SMG5: variants seen among roughly 807,000 people sequenced by gnomAD.
The protein encoded by SMG5 is nonsense-mediated mRNA decay factor SMG5.
SMG5 carries 53 observed loss-of-function variants against 122.9 expected under a neutral mutation model. The ratio of observed to expected loss-of-function variants is 0.43; its 90% CI spans 0.35 to 0.54. The LOEUF (loss-of-function observed/expected upper bound fraction) is 0.54. Among genes scored for constraint, SMG5 ranks in the 20% least tolerant of loss-of-function variants. The probability of loss-of-function intolerance (pLI) is 0.01; values close to 1 mark genes in which losing one functional copy is unlikely to be tolerated. For missense variants in SMG5, 1,153 were observed against 1,285.6 expected (o/e 0.90, Z 1.58); for synonymous variants, 477 against 490.2 (o/e 0.97, Z 0.35).
rs1661394648 is a variant in SMG5, at chr1:156,252,472, G to C, written c.2695C>G (p.His899Asp). The C allele has an allele frequency of 6.2e-7, 1 of 1,614,078 alleles. No homozygotes were observed. The highest frequency in any genetic ancestry group is 8.5e-7 in the Non-Finnish European group (1 of 1,180,024). ...CGAATCCCATCCCGGGCCCCTGGGT[G>C]TTCCTTCTTCAGCAAATCCAGGCCA... The part of the protein sequence containing the change: ...IDGLDLLKKE[H>D]PGARDGIRYL... The change falls in exon 19 of 22, where the codon CAC (histidine) becomes GAC (aspartate). Residue 899 changes from histidine (H) to aspartate (D), a missense_variant. Coordinates refer to ENST00000361813, the MANE Select transcript of SMG5 (RefSeq NM_015327.3).
intron 1 of SMG5, among the ~76,000 whole-genome samples, chr1:156,280,249 A>G (rs1345718878): frequency 6.6e-6 from 1 of 152,224 alleles, no homozygotes; most frequent in Non-Finnish European, 1.5e-5. Context: ...CTATAAGAAC[A>G]TGTGAATCAG....
At position 156,278,380 on chromosome 1, in the gene SMG5, T is replaced by G. The variant is rs796934855; in HGVS notation, c.174-332A>C. On this transcript the variant is annotated intron_variant, in intron 2 of 21. Transcript: ENST00000361813. ...CTTGACTCAAATATATTTTTGGGTTTTTTTTTTTTTTTGAGACAGGGTCTC... is the reference window on the plus strand; with the variant it reads ...CTTGACTCAAATATATTTTTGGGTTGTTTTTTTTTTTTGAGACAGGGTCTC... Among the ~76,000 whole-genome samples the G allele has an allele frequency of 5.3e-5, 8 of 151,584 alleles. No homozygotes were observed. The East Asian group carries it at 5.8e-4, about 11-fold the overall frequency.
rs1388963306 is a variant in SMG5 at position 156,268,369 on chromosome 1, G to A, written c.760C>T (p.Arg254Trp). The change falls in exon 8 of 22, where the codon CGG (arginine) becomes TGG (tryptophan). Residue 254 changes from arginine (R) to tryptophan (W), a missense_variant. By Grantham distance (101) the Arg-to-Trp change is moderately radical. This residue lies in a region of SMG5 where 85 missense variants were observed against 127.3 expected (regional missense o/e 0.67). Coordinates refer to ENST00000361813, the MANE Select transcript of SMG5 (RefSeq NM_015327.3). ...SFEGAYGNLKRLYDKAAKMYH... is the reference protein window; with the variant it reads ...SFEGAYGNLKWLYDKAAKMYH... ...ATTTTGGCTGCCTTGTCATACAGCC[G>A]CTTGAGGTTCCCATAGGCTCCCTCA... 3.7e-6 allele frequency: 6 copies of A among 1,614,108 alleles called. No individual in the cohort carries two copies. Among genetic ancestry groups the A allele is most frequent in the Non-Finnish European group, 5.1e-6 (6 of 1,180,032 alleles).
At chr1:156,272,874 CTT>C (rs1662497950) in intron 6 of SMG5, among the ~76,000 whole-genome samples, 2 of 152,128 alleles carry the variant, frequency 1.3e-5, no homozygotes, top group Non-Finnish European at 1.5e-5. Context: ...CTACTGACCT[CTT>C]CTTATATCCA....
At chr1:156,265,730 CTA>C (rs1558238337) in intron 12 of SMG5, 49 bp downstream of exon 12, 9 of 1,578,050 alleles carry the variant, frequency 5.7e-6, no homozygotes, top group Non-Finnish European at 6.9e-6. Context: ...TGGTGAGTGT[CTA>C]TGGCATGGAG....
upstream of SMG5, chr1:156,286,313 G>A: frequency 6.2e-7 from 1 of 1,614,220 alleles, no homozygotes; most frequent in Non-Finnish European, 8.5e-7. Flanking sequence ...TCGGCCCTTT[G>A]GGGAGCCACG....
chr1:156,253,170 C>A lies in SMG5; in HGVS notation c.2503-92G>T, dbSNP rs553610092. 3 of 1,387,028 alleles carry A rather than the reference C, an allele frequency of 2.2e-6. No homozygotes were observed. In the Admixed American group the frequency reaches 7.8e-5, roughly 36 times the overall value. The allele number at this position is 1,387,028 out of a possible 1,614,324, so 85.9% of individuals were successfully genotyped here. A position where few individuals can be genotyped will look rare whatever the true frequency, so the allele number is the denominator to read the frequency against. ...GTGCTCAAGGTGGCTCTATGGGGCTCCTCCTGTTGTTAAGGGGATCAGAGG... is the reference window on the plus strand; with the variant it reads ...GTGCTCAAGGTGGCTCTATGGGGCTACTCCTGTTGTTAAGGGGATCAGAGG... On this transcript the variant is annotated intron_variant, in intron 17 of 21. Transcript: ENST00000361813.
In SMG5 at chr1:156,253,738, G is replaced by C; in HGVS notation, c.2443-230C>G. On this transcript the variant is annotated intron_variant, in intron 16 of 21. Transcript: ENST00000361813. ...TGCAGGTCATGATGTTCCAGGCCCTGCAGGGGAGGGGAAGCAGACAGCCAT... is the reference window on the plus strand; with the variant it reads ...TGCAGGTCATGATGTTCCAGGCCCTCCAGGGGAGGGGAAGCAGACAGCCAT... 4 of 564,934 alleles carry C rather than the reference G, an allele frequency of 7.1e-6. No homozygotes were observed. The South Asian group carries it at 7.8e-5, about 11-fold the overall frequency. The allele number at this position is 564,934 out of a possible 1,614,324, so 35.0% of individuals were successfully genotyped here.
intron 7 of SMG5, among the ~76,000 whole-genome samples, chr1:156,271,344 A>G (rs903975189): frequency 1.3e-5 from 2 of 152,154 alleles, no homozygotes; most frequent in East Asian, 3.9e-4. Flanking sequence ...GCCCAAGCTC[A>G]TTATATAACT....
chr1:156,251,590 C>A, intron 19 of SMG5, 113 bp from the exon 20 acceptor site: 1 of 997,196 alleles, frequency 1.0e-6, no homozygotes, highest in Non-Finnish European at 1.6e-6. Context: ...GGCTGGGGAA[C>A]ATGTCTCTCC....
In SMG5 at chr1:156,274,684, A is replaced by G. The variant is rs768422925; in HGVS notation, c.457T>C (p.Cys153Arg). The G allele has an allele frequency of 8.2e-5, 132 of 1,613,396 alleles. 1 individual carries two copies. The highest frequency in any genetic ancestry group is 1.6e-4 in the Middle Eastern group (1 of 6,078). Reference sequence around the variant, plus strand: ...CCTGAGGCAGACACTGGCTTCTTGCATCCTATGAGACAAAGAGAAAGAGAT... The same window carrying G: ...CCTGAGGCAGACACTGGCTTCTTGCGTCCTATGAGACAAAGAGAAAGAGAT... ...WTHVTDPLIGCKKPVSASGKE... is the reference protein window; with the variant it reads ...WTHVTDPLIGRKKPVSASGKE... The change falls in exon 5 of 22, where the codon TGC (cysteine) becomes CGC (arginine). Residue 153 changes from cysteine to arginine, a missense_variant and splice_region_variant. By Grantham distance (180) the Cys-to-Arg change is radical. Around this residue, in one of 5 missense-constraint regions of SMG5, gnomAD observed 213 missense variants for 197.5 expected, o/e 1.08. Transcript: ENST00000361813.
rs989591809 is a variant in SMG5 at position 156,250,863 on chromosome 1, T to C, written c.2962A>G (p.Met988Val). Residue 988 changes from methionine to valine, a missense_variant, in exon 21 of 22, where the codon ATG (methionine) becomes GTG (valine). This residue lies in a region of SMG5 where 84 missense variants were observed against 82.3 expected (regional missense o/e 1.02). Coordinates refer to ENST00000361813, the MANE Select transcript of SMG5 (RefSeq NM_015327.3). Reference protein sequence around the residue: ...LDNPSVLSGPMQAALQAAAHA... With the variant: ...LDNPSVLSGPVQAALQAAAHA... Reference sequence around the variant, plus strand: ...CCACCTCACCCATGACCCACCTGCATGGGGCCTGAAAGCACGCTGGGGTTG... The same window carrying C: ...CCACCTCACCCATGACCCACCTGCACGGGGCCTGAAAGCACGCTGGGGTTG... 4 of 1,613,866 alleles carry C rather than the reference T, an allele frequency of 2.5e-6. No homozygotes were observed. The highest frequency in any genetic ancestry group is 3.3e-5 in the Admixed American group (2 of 60,006).
At chr1:156,275,131 T>TAA (rs760480249) in intron 4 of SMG5, among the ~76,000 whole-genome samples, 20,123 of 86,406 alleles carry the variant, frequency 0.23, 2,483 homozygotes, top group Non-Finnish European at 0.3. Context: ...TGACGCCAAT[T>TAA]AAAAAAAAAA....
chr1:156,271,352 ACTT>A (rs1662411959), intron 7 of SMG5, among the ~76,000 whole-genome samples: 1 of 152,188 alleles, frequency 6.6e-6, no homozygotes, highest in Non-Finnish European at 1.5e-5. Flanking sequence ...TCATTATATA[ACTT>A]CTTCTGAGAA....
chr1:156,266,744 C>A, intron 10 of SMG5, 66 bp from the exon 11 acceptor site: 1 of 1,559,234 alleles, frequency 6.4e-7, no homozygotes, highest in South Asian at 1.1e-5. Flanking sequence ...CCATCAATTC[C>A]AACCACATCT....
intron 16 of SMG5, 133 bp from the exon 17 acceptor site, chr1:156,253,641 T>C (rs1661454400): frequency 1.3e-6 from 1 of 797,128 alleles, no homozygotes. Flanking sequence ...TGCTGCTGAA[T>C]GAGGGGAGGA....
chr1:156,265,771 G>T lies in SMG5; in HGVS notation c.1855+10C>A. On this transcript the variant is annotated intron_variant, in intron 12 of 21. Coordinates refer to ENST00000361813, the MANE Select transcript of SMG5 (RefSeq NM_015327.3). ...CGGACCAGAACAGGATGATGAAGTG[G>T]TCCAAATACCTGGCTCTGAAGGCTT... 1 of 1,610,942 alleles carries T rather than the reference G, an allele frequency of 6.2e-7. No homozygotes were observed. The highest frequency in any genetic ancestry group is 8.5e-7 in the Non-Finnish European group (1 of 1,178,224).
At position 156,253,520 on chromosome 1, in the gene SMG5, A is replaced by C. The variant is rs567912759; in HGVS notation, c.2443-12T>G. 3 of 1,614,020 alleles carry C rather than the reference A, an allele frequency of 1.9e-6. No homozygotes were observed. The African/African-American group carries it at 4.0e-5, about 22-fold the overall frequency. ...GCTTCCTCCTGTGCCTATGAGGGAA[A>C]AAATGAGCTGTAAGGAGTTGGGGTG... On this transcript the variant is annotated splice_polypyrimidine_tract_variant and intron_variant, in intron 16 of 21. Transcript: ENST00000361813.
At chr1:156,267,415 G>T (rs528700582) in intron 10 of SMG5, 55 bp downstream of exon 10, 2 of 1,544,242 alleles carry the variant, frequency 1.3e-6, no homozygotes, top group Non-Finnish European at 1.8e-6. Flanking sequence ...CAGAAAAGGG[G>T]AGTGAGGATC....
Sources: allele counts gnomAD v4.1 joint callset (sites outside exome capture counted in the v4.1 genomes callset), GRCh38; gene constraint gnomAD v4.1.1; regional missense constraint gnomAD v4.1.1; transcripts MANE v1.5; gene names NCBI Gene and HGNC (gene_info 2026-07-23, HGNC 2026-07-21).